The following STOX2 variants were observed in gnomAD, a reference collection of about 807,000 sequenced individuals.
STOX2 encodes storkhead box 2.
A neutral mutation model predicts 60.9 loss-of-function variants in STOX2; 28 were observed. The observed-to-expected ratio is 0.46, with a 90% CI of 0.34 to 0.63. STOX2 has a LOEUF of 0.63. STOX2 is among the 30% of genes least tolerant of loss of function. The probability of loss-of-function intolerance (pLI) is 0.01; values close to 1 mark genes in which losing one functional copy is unlikely to be tolerated. For synonymous variants in STOX2, 472 were observed against 463.9 expected, an observed-to-expected ratio of 1.02 and a Z score of -0.22; for missense variants, 1,024 against 1,187.7, an observed-to-expected ratio of 0.86 and a Z score of 2.03.
intron 1 of STOX2, among the ~76,000 whole-genome samples, chr4:183,943,593 G>C (rs924886270): frequency 3.3e-5 from 5 of 152,218 alleles, no homozygotes; most frequent in African/African-American, 1.2e-4. Flanking sequence ...AGAAGAAATA[G>C]AAGTGCAGAA....
At chr4:183,950,953 C>T (rs577818227) in intron 1 of STOX2, among the ~76,000 whole-genome samples, 13 of 152,202 alleles carry the variant, frequency 8.5e-5, no homozygotes, top group Non-Finnish European at 1.6e-4. Flanking sequence ...CGGTGGCTCA[C>T]GCCTGTAATC....
intron 1 of STOX2, among the ~76,000 whole-genome samples, chr4:183,912,350 C>T (rs541602510): frequency 6.6e-6 from 1 of 152,306 alleles, no homozygotes; most frequent in South Asian, 2.1e-4. Flanking sequence ...GGGCACATCA[C>T]AGTATAACCT....
chr4:183,920,000 G>A (rs1053667501), intron 1 of STOX2, among the ~76,000 whole-genome samples: 2 of 152,152 alleles, frequency 1.3e-5, no homozygotes, highest in African/African-American at 2.4e-5. Context: ...GGGTGCCACT[G>A]ATTAATATTT....
chr4:183,885,655 G>T lies in STOX2; in HGVS notation c.364+87600G>T, dbSNP rs6820605. 5.6e-3 allele frequency among the ~76,000 whole-genome samples: 847 copies of T among 152,316 alleles called. 8 individuals are homozygous for T. The highest frequency in any genetic ancestry group is 0.019 in the African/African-American group (802 of 41,550). ...AGCCTGATGGATGAGTGGAGTTTCT[G>T]TATCTCCCTTCACCGATAGTCCATT... is the stretch of plus-strand genomic sequence containing the variant. On this transcript the variant is annotated intron_variant, in intron 1 of 2. Transcript: ENST00000513034.
In STOX2 at chr4:184,020,248, G is replaced by GA. The variant is rs1242562342; in HGVS notation, c.*2964_*2965insA. The GA allele has an allele frequency of 6.6e-6, 1 of 152,110 alleles. No homozygotes were observed. The highest frequency in any genetic ancestry group is 6.5e-5 in the Admixed American group (1 of 15,268). The allele number at this position is 152,110 out of a possible 1,614,324, so 9.4% of individuals were successfully genotyped here. A position where few individuals can be genotyped will look rare whatever the true frequency, so the allele number is the denominator to read the frequency against. ...TGGACTCATGACTTTCCATCGCCAT[G>GA]GCTTTCTCTTACGCCGCTGTTTGGC... On this transcript the variant is annotated 3_prime_UTR_variant, in exon 4 of 4. Transcript: ENST00000308497.
At chr4:183,853,710 A>G (rs1399016756) in intron 1 of STOX2, 1 of 152,250 alleles carries the variant, frequency 6.6e-6, no homozygotes, top group African/African-American at 2.4e-5. Context: ...CTAGAACGAC[A>G]TCTTTGGCAC....
chr4:183,822,793 T>G (rs1307818164), intron 1 of STOX2, among the ~76,000 whole-genome samples: 2 of 152,228 alleles, frequency 1.3e-5, no homozygotes, highest in Non-Finnish European at 1.5e-5. Context: ...CCCTGTGATA[T>G]ACATGATTGT....
chr4:183,969,227 A>G (rs997565944), intron 1 of STOX2, among the ~76,000 whole-genome samples: 1 of 152,238 alleles, frequency 6.6e-6, no homozygotes, highest in Non-Finnish European at 1.5e-5. Context: ...ATGAACAGAC[A>G]TTAAGAGCTT....
chr4:183,893,652 A>C (rs1426309475), intron 1 of STOX2, among the ~76,000 whole-genome samples: 4 of 152,194 alleles, frequency 2.6e-5, no homozygotes, highest in African/African-American at 9.7e-5. Flanking sequence ...TATATTTCAC[A>C]TATAAAATAC....
chr4:183,913,448 G>T (rs1287217270), intron 1 of STOX2, among the ~76,000 whole-genome samples: 1 of 151,968 alleles, frequency 6.6e-6, no homozygotes, highest in African/African-American at 2.4e-5. Flanking sequence ...GGTTGATGTG[G>T]TGATCAAGCA....
chr4:183,858,779 A>G lies in STOX2; in HGVS notation c.364+60724A>G, dbSNP rs181549316. ...CTTACAAATCATGATTATGTTATCTATATTGTTTTGTAGTCGACTTCTTTA... is the reference window on the plus strand; with the variant it reads ...CTTACAAATCATGATTATGTTATCTGTATTGTTTTGTAGTCGACTTCTTTA... On this transcript the variant is annotated intron_variant, in intron 1 of 2. Transcript: ENST00000513034. Among the ~76,000 whole-genome samples the G allele has an allele frequency of 1.2e-4, 19 of 152,230 alleles. No homozygotes were observed. The East Asian group carries it at 3.5e-3, about 28-fold the overall frequency.
At chr4:183,858,775 A>G (rs1740362205) in intron 1 of STOX2, among the ~76,000 whole-genome samples, 1 of 152,166 alleles carries the variant, frequency 6.6e-6, no homozygotes, top group Non-Finnish European at 1.5e-5. Flanking sequence ...TGATTATGTT[A>G]TCTATATTGT....
At chr4:183,986,217 A>G (rs1732837644) in intron 1 of STOX2, among the ~76,000 whole-genome samples, 1 of 152,230 alleles carries the variant, frequency 6.6e-6, no homozygotes, top group South Asian at 2.1e-4. Flanking sequence ...CCAAACATGT[A>G]TGTTTTCATC....
At chr4:183,878,907 C>T (rs932124065) in intron 1 of STOX2, among the ~76,000 whole-genome samples, 8 of 147,092 alleles carry the variant, frequency 5.4e-5, no homozygotes, top group Admixed American at 3.4e-4. Flanking sequence ...GCTCTGCTCT[C>T]TAGAATTGTT....
At chr4:183,853,818 C>G (rs757294689) in intron 1 of STOX2, 1 of 152,170 alleles carries the variant, frequency 6.6e-6, no homozygotes, top group African/African-American at 2.4e-5. Context: ...TTACAAAAAC[C>G]AGAAACCCAG....
intron 1 of STOX2, among the ~76,000 whole-genome samples, chr4:183,974,976 T>C (rs1428862631): frequency 6.6e-6 from 1 of 152,072 alleles, no homozygotes; most frequent in Non-Finnish European, 1.5e-5. Flanking sequence ...ATTAAAAGAA[T>C]TGAAATAATC....
chr4:183,915,470 T>C (rs1196930236), intron 1 of STOX2, among the ~76,000 whole-genome samples: 1 of 152,098 alleles, frequency 6.6e-6, no homozygotes, highest in Non-Finnish European at 1.5e-5. Context: ...CTCTTTTCGA[T>C]GTCGGTGTCA....
intron 1 of STOX2, among the ~76,000 whole-genome samples, chr4:183,861,617 C>T (rs1329471723): frequency 6.6e-6 from 1 of 152,114 alleles, no homozygotes; most frequent in Non-Finnish European, 1.5e-5. Context: ...GAACAAGTCA[C>T]CTGGTCCCTG....
At chr4:183,832,557 C>A (rs1739596636) in intron 1 of STOX2, among the ~76,000 whole-genome samples, 1 of 130,754 alleles carries the variant, frequency 7.6e-6, no homozygotes, top group African/African-American at 2.9e-5. Flanking sequence ...GTGGCATGAT[C>A]TCGGCTCACT....
Sources: gnomAD v4.1 joint callset for allele counts (sites outside exome capture counted in the v4.1 genomes callset) on GRCh38, gnomAD v4.1.1 for gene constraint, MANE v1.5 for transcripts, NCBI Gene and HGNC (gene_info 2026-07-23, HGNC 2026-07-21) for gene names.